Variants in PPP2R1B observed in about 807,000 individuals in gnomAD.
The protein encoded by PPP2R1B is protein phosphatase 2 scaffold subunit Abeta.
A neutral mutation model predicts 72.7 loss-of-function variants in PPP2R1B; 58 were observed. The ratio of observed to expected loss-of-function variants is 0.80; its 90% CI spans 0.65 to 0.99. PPP2R1B has a LOEUF of 0.99. Among genes scored for constraint, PPP2R1B ranks in the 50% least tolerant of loss-of-function variants. PPP2R1B has a pLI of 0.00. For synonymous variants in PPP2R1B, 256 were observed against 264.6 expected (o/e 0.97, Z 0.32); for missense variants, 695 against 733.6 (o/e 0.95, Z 0.61).
At chr11:111,765,084 T>G (rs1475739967) in intron 2 of PPP2R1B, among the ~76,000 whole-genome samples, 179 bp from the exon 3 acceptor site, 1 of 152,212 alleles carries the variant, frequency 6.6e-6, no homozygotes, top group Non-Finnish European at 1.5e-5. Flanking sequence ...GAATTAGAAA[T>G]TCATACTCCC....
At chr11:111,713,150 G>GT in the PPP2R1B span, among the ~76,000 whole-genome samples, 39 of 152,078 alleles carry the variant, frequency 2.6e-4, no homozygotes, top group Non-Finnish European at 4.7e-4. Context: ...GGGTGACAGA[G>GT]TGAGACTCCA....
chr11:111,722,675 T>G, downstream of PPP2R1B: 1 of 1,613,922 alleles, frequency 6.2e-7, no homozygotes. This position sits in a 1 kb window ranked among gnomAD's most constrained non-coding sequence, Gnocchi z 4.4. Flanking sequence ...AAGCCCAGCC[T>G]TCTGTCAAAG....
Position 111,740,667 on chromosome 11 carries a change from A to C in PPP2R1B, c.*929T>G. 1.0e-6 allele frequency: 1 copy of C among 985,390 alleles called. No homozygotes were observed. The highest frequency in any genetic ancestry group is 1.2e-6 in the Non-Finnish European group (1 of 829,872). 61.0% of individuals were successfully genotyped at this position (985,390 alleles called of 1,614,324 possible). A position where few individuals can be genotyped will look rare whatever the true frequency, so the allele number is the denominator to read the frequency against. Reference sequence around the variant, plus strand: ...CACCCATACTAAAAACTTAGCAATAAAACTGCAGTTTGAAAAGCTACTGTA... The same window carrying C: ...CACCCATACTAAAAACTTAGCAATACAACTGCAGTTTGAAAAGCTACTGTA... On this transcript the variant is annotated 3_prime_UTR_variant, in exon 15 of 15. Transcript: ENST00000527614.
intron 10 of PPP2R1B, among the ~76,000 whole-genome samples, chr11:111,749,999 G>T (rs1198780089): frequency 2.0e-5 from 3 of 152,214 alleles, no homozygotes; most frequent in Non-Finnish European, 4.4e-5. Flanking sequence ...GTAGATCCAT[G>T]ACAATCACCA....
intron 5 of PPP2R1B, among the ~76,000 whole-genome samples, chr11:111,757,968 G>C (rs948295737): frequency 1.3e-5 from 2 of 152,078 alleles, no homozygotes; most frequent in African/African-American, 4.8e-5. Context: ...AAAAAATCTA[G>C]GAGATCTTGA....
chr11:111,709,260 A>T, the PPP2R1B span, among the ~76,000 whole-genome samples: 1 of 152,178 alleles, frequency 6.6e-6, no homozygotes, highest in Admixed American at 6.5e-5. Context: ...CTCCTCTTAT[A>T]AGGATACCCG....
intron 11 of PPP2R1B, 123 bp from the exon 12 acceptor site, chr11:111,743,653 T>C (rs1200688319): frequency 2.0e-5 from 23 of 1,177,000 alleles, no homozygotes; most frequent in Non-Finnish European, 2.5e-5. Context: ...AGACTCCACA[T>C]GTAATCATGC....
At chr11:111,762,333 T>G (rs1945357154) in intron 3 of PPP2R1B, among the ~76,000 whole-genome samples, 2 of 152,186 alleles carry the variant, frequency 1.3e-5, no homozygotes, top group South Asian at 4.1e-4. Context: ...AGAAACTCAT[T>G]GAAAAGATAC....
At chr11:111,690,182 C>A in the PPP2R1B span, among the ~76,000 whole-genome samples, 1 of 151,438 alleles carries the variant, frequency 6.6e-6, no homozygotes, top group Non-Finnish European at 1.5e-5. Flanking sequence ...TTTTGCCAAC[C>A]TTCTGTGAGG....
downstream of PPP2R1B, among the ~76,000 whole-genome samples, chr11:111,736,190 G>A (rs1944334788): frequency 6.6e-6 from 1 of 152,120 alleles, no homozygotes; most frequent in South Asian, 2.1e-4. Context: ...GCCTGACAAG[G>A]TGCTGCAGTG....
chr11:111,712,333 G>A, the PPP2R1B span: 458 of 1,614,142 alleles, frequency 2.8e-4, 3 homozygotes, highest in African/African-American at 5.0e-3. Context: ...GCTGTCAGGC[G>A]GAAGCTGCAT....
chr11:111,706,447 C>T, the PPP2R1B span, among the ~76,000 whole-genome samples: 1 of 152,066 alleles, frequency 6.6e-6, no homozygotes, highest in Non-Finnish European at 1.5e-5. Context: ...TTAGTATGCT[C>T]CATTGACTTT....
At chr11:111,704,222 C>T in the PPP2R1B span, among the ~76,000 whole-genome samples, 1 of 152,152 alleles carries the variant, frequency 6.6e-6, no homozygotes, top group Non-Finnish European at 1.5e-5. Context: ...GCATCCTGAG[C>T]AGTAGCTGGG....
chr11:111,690,624 C>A, the PPP2R1B span, among the ~76,000 whole-genome samples: 1 of 151,334 alleles, frequency 6.6e-6, no homozygotes, highest in Non-Finnish European at 1.5e-5. Flanking sequence ...CCCTCACCCC[C>A]AAAGAGGCCC....
At chr11:111,766,111 C>G in intron 1 of PPP2R1B, 137 bp downstream of exon 1, 1 of 799,462 alleles carries the variant, frequency 1.3e-6, no homozygotes, top group Non-Finnish European at 2.0e-6. Flanking sequence ...GGAGCATTCC[C>G]CGCCTCCCCT....
Position 111,739,600 on chromosome 11 carries a change from C to G in PPP2R1B, c.*1996G>C, listed in dbSNP as rs1198402799. On this transcript the variant is annotated 3_prime_UTR_variant, in exon 15 of 15. Coordinates refer to ENST00000527614, the MANE Select transcript of PPP2R1B (RefSeq NM_002716.5). Reference sequence around the variant, plus strand: ...AGAGAAGTCAATGCTTAGGGCTCCTCACTGGGAGACACAAGGGCATTTTAA... The same window carrying G: ...AGAGAAGTCAATGCTTAGGGCTCCTGACTGGGAGACACAAGGGCATTTTAA... 1 of 985,330 alleles carries G rather than the reference C, an allele frequency of 1.0e-6. No individual in the cohort carries two copies. The highest frequency in any genetic ancestry group is 1.2e-6 in the Non-Finnish European group (1 of 829,928). 61.0% of individuals were successfully genotyped at this position (985,330 alleles called of 1,614,324 possible). A position where few individuals can be genotyped will look rare whatever the true frequency, so the allele number is the denominator to read the frequency against.
At chr11:111,723,802 ACAG>A (rs771606924), downstream of PPP2R1B, 1 of 1,613,782 alleles carries the variant, frequency 6.2e-7, no homozygotes, top group Non-Finnish European at 8.5e-7. Flanking sequence ...CCACGCAGCT[ACAG>A]CAGCAGCAGC....
At chr11:111,749,576 C>T (rs139703388) in intron 10 of PPP2R1B, among the ~76,000 whole-genome samples, 30 of 152,264 alleles carry the variant, frequency 2.0e-4, no homozygotes, top group Middle Eastern at 6.8e-3. Flanking sequence ...TGAGCCACTA[C>T]GCCTGGCCTA....
downstream of PPP2R1B, chr11:111,723,740 C>G (rs1410777856): frequency 6.2e-7 from 1 of 1,614,148 alleles, no homozygotes. Flanking sequence ...CCAAGAGATG[C>G]AGCTTCAGCC....
Sources: allele counts gnomAD v4.1 joint callset (sites outside exome capture counted in the v4.1 genomes callset), GRCh38; gene constraint gnomAD v4.1.1; non-coding constraint Gnocchi (gnomAD v3.1); transcripts MANE v1.5; gene names NCBI Gene and HGNC (gene_info 2026-07-23, HGNC 2026-07-21).